The following PRKCE variants were observed in gnomAD, a reference collection of about 807,000 sequenced individuals.
The protein encoded by PRKCE is protein kinase C epsilon type.
A neutral mutation model predicts 85.4 loss-of-function variants in PRKCE; 16 were observed. The observed-to-expected ratio is 0.19, with a 90% CI of 0.13 to 0.28. PRKCE has a LOEUF of 0.28. Ranked by LOEUF, PRKCE falls within the 10% of genes least tolerant of loss-of-function variation. The pLI is 1.00. For missense variants in PRKCE, 573 were observed against 975.2 expected, an observed-to-expected ratio of 0.59 and a Z score of 5.49; for synonymous variants, 388 against 371.5, an observed-to-expected ratio of 1.04 and a Z score of -0.51.
At chr2:45,731,540 C>T (rs1384246356) in intron 1 of PRKCE, among the ~76,000 whole-genome samples, 1 of 151,134 alleles carries the variant, frequency 6.6e-6, no homozygotes. Flanking sequence ...GACTCAGAGA[C>T]ATTAAGTGTC....
intron 1 of PRKCE, among the ~76,000 whole-genome samples, chr2:45,654,968 G>A (rs1301516849): frequency 6.6e-6 from 1 of 152,202 alleles, no homozygotes; most frequent in African/African-American, 2.4e-5. Context: ...TACCTGGCAG[G>A]AATGAAGAAA....
intron 2 of PRKCE, among the ~76,000 whole-genome samples, chr2:45,946,825 C>T (rs942468007): frequency 2.0e-5 from 3 of 152,222 alleles, no homozygotes; most frequent in African/African-American, 7.2e-5. Flanking sequence ...TGCACCAGTG[C>T]AAGCCTTAGC....
At chr2:45,787,905 C>A (rs373586322) in intron 1 of PRKCE, among the ~76,000 whole-genome samples, 62 of 152,284 alleles carry the variant, frequency 4.1e-4, no homozygotes, top group African/African-American at 1.3e-3. Context: ...CAGAGCATTG[C>A]GATCCTGCCA....
chr2:45,823,860 C>G (rs1689729086), intron 1 of PRKCE, among the ~76,000 whole-genome samples: 1 of 152,264 alleles, frequency 6.6e-6, no homozygotes, highest in Non-Finnish European at 1.5e-5. Flanking sequence ...CTGTTCCGTG[C>G]TGGCAGAGCT....
chr2:45,747,339 T>G (rs946390713), intron 1 of PRKCE, among the ~76,000 whole-genome samples: 16 of 152,322 alleles, frequency 1.1e-4, no homozygotes, highest in Non-Finnish European at 2.2e-4. Flanking sequence ...TGAAACCCAG[T>G]ACCTATTAAA....
At chr2:45,794,627 C>T (rs1046594388) in intron 1 of PRKCE, among the ~76,000 whole-genome samples, 1 of 152,172 alleles carries the variant, frequency 6.6e-6, no homozygotes, top group East Asian at 1.9e-4. Flanking sequence ...ACAGCCCCGT[C>T]TCTGGAGGGA....
chr2:45,888,829 T>A (rs1270353804), intron 2 of PRKCE, among the ~76,000 whole-genome samples: 1 of 152,200 alleles, frequency 6.6e-6, no homozygotes, highest in Non-Finnish European at 1.5e-5. Context: ...GTTAACCTTT[T>A]CAATAGCCTC....
intron 1 of PRKCE, among the ~76,000 whole-genome samples, chr2:45,779,883 A>G (rs927739022): frequency 2.0e-5 from 3 of 152,206 alleles, no homozygotes; most frequent in African/African-American, 7.2e-5. Flanking sequence ...ACTATGGAAA[A>G]TTTTAAACAT....
intron 10 of PRKCE, among the ~76,000 whole-genome samples, chr2:46,074,239 G>A (rs1027360247): frequency 6.6e-6 from 1 of 152,152 alleles, no homozygotes; most frequent in Non-Finnish European, 1.5e-5. Flanking sequence ...TGGTTGTAAA[G>A]TGAAGGAGTC....
chr2:46,167,922 G>C (rs922978477), intron 14 of PRKCE: 1 of 152,196 alleles, frequency 6.6e-6, no homozygotes, highest in African/African-American at 2.4e-5. Flanking sequence ...AGCACAGCAG[G>C]CTCCCAAATA....
chr2:45,812,811 TCTCTG>T (rs1308146164), intron 1 of PRKCE, among the ~76,000 whole-genome samples: 1 of 152,214 alleles, frequency 6.6e-6, no homozygotes, highest in Non-Finnish European at 1.5e-5. Flanking sequence ...ATAGCATTGT[TCTCTG>T]CTCTTGCATC....
rs67438564 is a variant in PRKCE at position 45,895,788 on chromosome 2, CA to C, written c.412+52726del. ...GAAAGCAGGAATCAGCTCAGTGAGG[CA>C]GGAATCTACGCAGGTGCGCAGGTGT... On this transcript the variant is annotated intron_variant, in intron 2 of 14. Transcript: ENST00000306156. This position sits in a 1 kb window ranked among gnomAD's most constrained non-coding sequence, Gnocchi z 4.8. Among the ~76,000 whole-genome samples the C allele has an allele frequency of 0.027, 4,173 of 152,188 alleles. 181 individuals are homozygous for C. Among genetic ancestry groups the C allele is most frequent in the African/African-American group, 0.095 (3,923 of 41,500 alleles).
At chr2:46,165,657 C>T (rs925805389) in intron 14 of PRKCE, among the ~76,000 whole-genome samples, 2 of 152,142 alleles carry the variant, frequency 1.3e-5, no homozygotes, top group South Asian at 2.1e-4. Flanking sequence ...AGGGGCAGAG[C>T]GATGTGTTTG....
chr2:45,801,742 G>T (rs545560723), intron 1 of PRKCE, among the ~76,000 whole-genome samples: 31 of 152,254 alleles, frequency 2.0e-4, no homozygotes, highest in African/African-American at 7.5e-4. Flanking sequence ...CAGAAAGGAC[G>T]TTCTTCCCTG....
chr2:45,927,662 G>T (rs1698732039), intron 2 of PRKCE, among the ~76,000 whole-genome samples: 1 of 152,190 alleles, frequency 6.6e-6, no homozygotes, highest in African/African-American at 2.4e-5. Context: ...TTCATCTCCA[G>T]AACTGTAAAT....
chr2:45,771,795 C>G lies in PRKCE; in HGVS notation c.349-71205C>G, dbSNP rs1199292016. Among the ~76,000 whole-genome samples the G allele has an allele frequency of 2.0e-5, 3 of 152,070 alleles. No homozygotes were observed. In the East Asian group the frequency reaches 5.8e-4, roughly 29 times the overall value. On this transcript the variant is annotated intron_variant, in intron 1 of 14. Transcript: ENST00000306156. ...CAGGCAGGCTGTGCCCCTTCCTCCC[C>G]AGAGCCCTCTAGCCCATTTCTGCCC...
chr2:46,171,491 T>C (rs1336403920), intron 14 of PRKCE, among the ~76,000 whole-genome samples: 1 of 152,236 alleles, frequency 6.6e-6, no homozygotes, highest in Non-Finnish European at 1.5e-5. Context: ...GCTGCATTGA[T>C]GCCTCCCGGC....
At chr2:45,934,299 G>C (rs140004132) in intron 2 of PRKCE, among the ~76,000 whole-genome samples, 2 of 152,334 alleles carry the variant, frequency 1.3e-5, no homozygotes, top group African/African-American at 4.8e-5. Context: ...GTGAAAAAAA[G>C]TTTCTATTAA....
At chr2:45,971,470 G>A (rs1016373532) in intron 2 of PRKCE, among the ~76,000 whole-genome samples, 9 of 152,190 alleles carry the variant, frequency 5.9e-5, no homozygotes, top group African/African-American at 9.6e-5. Flanking sequence ...TAAGGACATA[G>A]AAATCTGCTT....
Sources: gnomAD v4.1 joint callset for allele counts (sites outside exome capture counted in the v4.1 genomes callset) on GRCh38, gnomAD v4.1.1 for gene constraint, Gnocchi (gnomAD v3.1) non-coding constraint, MANE v1.5 for transcripts, NCBI Gene and HGNC (gene_info 2026-07-23, HGNC 2026-07-21) for gene names.